The following MRS2 variants were observed in gnomAD, a reference collection of about 807,000 sequenced individuals.
MRS2 encodes the protein magnesium transporter MRS2, also known as magnesium transporter MRS2 homolog, mitochondrial.
Under a neutral mutation model 52.6 loss-of-function variants are expected in MRS2, and 40 were observed. That is an observed-to-expected ratio of 0.76 (90% CI 0.59 to 0.99). The LOEUF is 0.99. MRS2 is among the 50% of genes least tolerant of loss of function. The probability of loss-of-function intolerance (pLI) is 0.00; values close to 1 mark genes in which losing one functional copy is unlikely to be tolerated. For missense variants in MRS2, 472 were observed against 532.7 expected, an observed-to-expected ratio of 0.89 and a Z score of 1.12; for synonymous variants, 193 against 195.9, an observed-to-expected ratio of 0.98 and a Z score of 0.13.
intron 4 of MRS2, among the ~76,000 whole-genome samples, chr6:24,411,871 T>G (rs570299400): frequency 3.0e-3 from 460 of 151,192 alleles, no homozygotes; most frequent in African/African-American, 9.6e-3. Context: ...TTTTTTTTGT[T>G]TTTGTTTTTT....
rs749448794 is a variant in MRS2 at position 24,403,197 on chromosome 6, G to C, written c.151G>C (p.Ala51Pro). 45 of 1,603,946 alleles carry C rather than the reference G, an allele frequency of 2.8e-5. No homozygotes were observed. Among genetic ancestry groups the C allele is most frequent in the Non-Finnish European group, 3.7e-5 (44 of 1,179,624 alleles). The change falls in exon 1 of 11, where the codon GCG becomes CCG. Residue 51 changes from alanine (A) to proline (P), a missense_variant. Ala to Pro is a conservative substitution (Grantham distance 27). Coordinates refer to ENST00000378386, the MANE Select transcript of MRS2 (RefSeq NM_020662.4). ...RRANLIGRSR[A>P]AQLCGPDRLR... is the part of the protein sequence containing the mutation. The stretch of plus-strand genomic sequence containing the variant: ...AGCCAACCTGATTGGAAGGAGCCGA[G>C]CGGCGCAGCTTTGCGGGCCCGACCG...
intron 4 of MRS2, among the ~76,000 whole-genome samples, chr6:24,411,660 T>A (rs1761654739): frequency 1.3e-5 from 2 of 152,158 alleles, no homozygotes; most frequent in Admixed American, 6.6e-5. Flanking sequence ...TGCCTCAGCC[T>A]CTGAAGTAGC....
At position 24,425,236 on chromosome 6, in the gene MRS2, A is replaced by ACTGT. The variant is rs1360306579; in HGVS notation, c.*1542_*1543insCTGT. 1.1e-4 allele frequency: 16 copies of ACTGT among 152,256 alleles called. No homozygotes were observed. Among genetic ancestry groups the ACTGT allele is most frequent in the Non-Finnish European group, 2.1e-4 (14 of 68,048 alleles). 9.4% of individuals were successfully genotyped at this position (152,256 alleles called of 1,614,324 possible). The stretch of plus-strand genomic sequence containing the variant: ...TTTGGGTCGTATCACTGTAAAATAC[A>ACTGT]TAATAAGTACTACTTAACTGTGACA... On this transcript the variant is annotated 3_prime_UTR_variant, in exon 11 of 11. Transcript: ENST00000378386.
rs912546462 is a variant in MRS2 at position 24,411,863 on chromosome 6, TTTTTTG to T, written c.415-347_415-342del. ...TCTGGGGGTATTTTTTGGTGTTTTT[TTTTTTG>T]TTTTTGTTTTTTTTTCATGATTACC... On this transcript the variant is annotated intron_variant, in intron 4 of 10. Transcript: ENST00000378386. 1.3e-4 allele frequency among the ~76,000 whole-genome samples: 19 copies of T among 151,464 alleles called. 1 individual carries two copies. The East Asian group carries it at 2.3e-3, about 18-fold the overall frequency.
At chr6:24,404,708 A>G (rs1260681263) in intron 1 of MRS2, among the ~76,000 whole-genome samples, 1 of 152,258 alleles carries the variant, frequency 6.6e-6, no homozygotes. Context: ...AGGTTTCATA[A>G]TTTATGAGCC....
rs527477492 is a variant in MRS2 at position 24,418,449 on chromosome 6, TCTC to T, written c.990-8_990-6del. 347 of 1,613,992 alleles carry T rather than the reference TCTC, an allele frequency of 2.1e-4. 2 individuals carry two copies. In the South Asian group the frequency reaches 2.6e-3, roughly 12 times the overall value. On this transcript the variant is annotated splice_polypyrimidine_tract_variant and intron_variant, in intron 8 of 10. Coordinates refer to ENST00000378386, the MANE Select transcript of MRS2 (RefSeq NM_020662.4). ...GGGCCCTTCTAATCTGAATAGGTGTTCTCCTCTCCAGCCACCGAAACGTGATGA... is the reference window on the plus strand; with the variant it reads ...GGGCCCTTCTAATCTGAATAGGTGTTCTCTCCAGCCACCGAAACGTGATGA...
chr6:24,423,773 A>T lies in MRS2; in HGVS notation c.*79A>T, dbSNP rs1762137044. 2 of 632,014 alleles carry T rather than the reference A, an allele frequency of 3.2e-6. No individual in the cohort carries two copies. Among genetic ancestry groups the T allele is most frequent in the South Asian group, 5.8e-5 (2 of 34,706 alleles). 39.2% of individuals were successfully genotyped at this position (632,014 alleles called of 1,614,324 possible). On this transcript the variant is annotated 3_prime_UTR_variant, in exon 11 of 11. Transcript: ENST00000378386. The stretch of plus-strand genomic sequence containing the variant: ...GATACTCTTTTTATTATTTTCTTGT[A>T]TAGAGTCAGACACTTGAAAAAAACT...
chr6:24,416,941 CTTTTATG>C (rs1761873931), intron 7 of MRS2, among the ~76,000 whole-genome samples: 1 of 152,168 alleles, frequency 6.6e-6, no homozygotes, highest in Admixed American at 6.5e-5. Context: ...AACCTTTTAT[CTTTTATG>C]AATTTAGAAA....
intron 3 of MRS2, 98 bp downstream of exon 3, chr6:24,408,542 A>C (rs1761550187): frequency 4.6e-6 from 4 of 866,170 alleles, no homozygotes; most frequent in Non-Finnish European, 7.7e-6. Context: ...TATTCTTTGC[A>C]TATACAGGTG....
chr6:24,418,352 TA>T (rs67416453), intron 8 of MRS2, 108 bp from the exon 9 acceptor site: 267,372 of 1,086,102 alleles, frequency 0.25, 17,458 homozygotes, highest in East Asian at 0.51. Flanking sequence ...ACATTATTAT[TA>T]TTTTTTTTGT....
chr6:24,417,023 A>G (rs1012728498), intron 7 of MRS2, among the ~76,000 whole-genome samples: 1 of 152,154 alleles, frequency 6.6e-6, no homozygotes, highest in Admixed American at 6.5e-5. Flanking sequence ...ATATTTTGTT[A>G]TTGTCTTTCT....
chr6:24,403,087 C>A lies in MRS2; in HGVS notation c.41C>A (p.Ala14Glu), dbSNP rs781076329. 8 of 1,612,108 alleles carry A rather than the reference C, an allele frequency of 5.0e-6. No individual in the cohort carries two copies. The South Asian group carries it at 8.8e-5, about 18-fold the overall frequency. The change falls in exon 1 of 11, where the codon GCG becomes GAG. Residue 14 changes from alanine to glutamate, a missense_variant. By Grantham distance (107) the Ala-to-Glu change is moderately radical. Transcript: ENST00000378386. ...LRSLPCLLPR[A>E]MRLPRRTLCA... Reference sequence around the variant, plus strand: ...AGTTTACCCTGCCTCCTGCCCCGCGCGATGAGACTTCCCCGGCGGACGCTG... The same window carrying A: ...AGTTTACCCTGCCTCCTGCCCCGCGAGATGAGACTTCCCCGGCGGACGCTG...
At chr6:24,415,632 CAGT>C (rs1218914875) in intron 6 of MRS2, among the ~76,000 whole-genome samples, 3 of 152,162 alleles carry the variant, frequency 2.0e-5, no homozygotes, top group Non-Finnish European at 2.9e-5. Flanking sequence ...ATTCCTGAAT[CAGT>C]AGTTTCTTAT....
Position 24,418,643 on chromosome 6 carries a change from A to C in MRS2, c.1107+65A>C. On this transcript the variant is annotated intron_variant, in intron 9 of 10. Coordinates refer to ENST00000378386, the MANE Select transcript of MRS2 (RefSeq NM_020662.4). ...GCCGGGCATGGTGGCTCATGTCAGT[A>C]ATCCTAGCACTTTAGGAGGCTGAGG... 5 of 1,261,832 alleles carry C rather than the reference A, an allele frequency of 4.0e-6. No individual in the cohort carries two copies. The Admixed American group carries it at 8.5e-5, about 21-fold the overall frequency. 78.2% of individuals were successfully genotyped at this position (1,261,832 alleles called of 1,614,324 possible). A position where few individuals can be genotyped will look rare whatever the true frequency, so the allele number is the denominator to read the frequency against.
intron 9 of MRS2, among the ~76,000 whole-genome samples, chr6:24,421,524 TC>T (rs1242707685): frequency 6.6e-6 from 1 of 152,216 alleles, no homozygotes; most frequent in Non-Finnish European, 1.5e-5. Flanking sequence ...ATTTCAGACT[TC>T]TGGAAAAGTT....
intron 1 of MRS2, 24 bp from the exon 2 acceptor site, chr6:24,405,144 G>A: frequency 6.3e-7 from 1 of 1,588,106 alleles, no homozygotes. Context: ...GTGACCACAG[G>A]AATTCTCTTA....
At chr6:24,413,150 A>T (rs1378086004) in intron 5 of MRS2, among the ~76,000 whole-genome samples, 2 of 152,066 alleles carry the variant, frequency 1.3e-5, no homozygotes, top group Non-Finnish European at 2.9e-5. Flanking sequence ...CAGAAGAGAG[A>T]AAGAAGATGT....
chr6:24,410,654 CTAAAAATA>C, intron 4 of MRS2: 2 of 1,222,582 alleles, frequency 1.6e-6, no homozygotes, highest in South Asian at 3.0e-5. Context: ...GATCCCATCT[CTAAAAATA>C]AATAAGTAAA....
chr6:24,414,789 T>TA (rs1006864070), intron 5 of MRS2, among the ~76,000 whole-genome samples: 6 of 152,174 alleles, frequency 3.9e-5, no homozygotes, highest in African/African-American at 1.4e-4. Flanking sequence ...GAAAGACTCT[T>TA]ACGAGAGTTA....
Sources: allele counts gnomAD v4.1 joint callset (sites outside exome capture counted in the v4.1 genomes callset), GRCh38; gene constraint gnomAD v4.1.1; transcripts MANE v1.5; gene names NCBI Gene and HGNC (gene_info 2026-07-23, HGNC 2026-07-21).